Variants in GXYLT1 observed in about 807,000 individuals in gnomAD.
The protein encoded by GXYLT1 is glucoside xylosyltransferase 1, also known as glycosyltransferase 8 domain containing 3.
Under a neutral mutation model 54.0 loss-of-function variants are expected in GXYLT1, and 29 were observed. The ratio of observed to expected loss-of-function variants is 0.54; its 90% confidence interval spans 0.40 to 0.73. The LOEUF (loss-of-function observed/expected upper bound fraction) is 0.73, where lower values mean the gene tolerates loss of function less well. GXYLT1 is among the 30% of genes least tolerant of loss of function. The pLI, the probability that GXYLT1 is intolerant of heterozygous loss-of-function variation, is 0.00. For synonymous variants in GXYLT1, 176 were observed against 204.1 expected (o/e 0.86, Z 1.17); for missense variants, 490 against 553.4 (o/e 0.89, Z 1.15).
intron 2 of GXYLT1, among the ~76,000 whole-genome samples, chr12:42,127,359 T>TA (rs35504656): frequency 0.52 from 79,015 of 152,016 alleles, 20,978 homozygotes; most frequent in South Asian, 0.7. Flanking sequence ...TTGCTTTTTT[T>TA]AAATGTAATA....
intron 5 of GXYLT1, among the ~76,000 whole-genome samples, chr12:42,103,086 T>C (rs1257555007): frequency 2.0e-5 from 3 of 152,084 alleles, no homozygotes; most frequent in African/African-American, 2.4e-5. Flanking sequence ...GCCTCCCAAG[T>C]AGCTGGGAAT....
chr12:42,111,574 G>T (rs2065456268), intron 3 of GXYLT1, among the ~76,000 whole-genome samples: 1 of 152,252 alleles, frequency 6.6e-6, no homozygotes, highest in Non-Finnish European at 1.5e-5. Context: ...CGACAGCCAG[G>T]CTGGAGGCGG....
rs1379381539 is a variant in GXYLT1, at chr12:42,087,153, A to C, written c.*633T>G. On this transcript the variant is annotated 3_prime_UTR_variant, in exon 8 of 8. Transcript: ENST00000398675. ...ACACGCACACACAGATTAAAATCCC[A>C]AAGTTTTCACTATTTTTCCTCTACC... 7.0e-6 allele frequency: 1 copy of C among 142,584 alleles called. No individual in the cohort carries two copies. The highest frequency in any genetic ancestry group is 2.6e-5 in the African/African-American group (1 of 38,266). 8.8% of individuals were successfully genotyped at this position (142,584 alleles called of 1,614,324 possible). A position where few individuals can be genotyped will look rare whatever the true frequency, so the allele number is the denominator to read the frequency against.
At chr12:42,105,347 G>A (rs1324603564) in intron 5 of GXYLT1, among the ~76,000 whole-genome samples, 1 of 152,138 alleles carries the variant, frequency 6.6e-6, no homozygotes, top group African/African-American at 2.4e-5. Flanking sequence ...GTCAGCCACT[G>A]TTCTAACTCA....
chr12:42,144,275 C>A, intron 1 of GXYLT1, 151 bp downstream of exon 1: 1 of 388,744 alleles, frequency 2.6e-6, no homozygotes, highest in Non-Finnish European at 4.2e-6. Context: ...TAGCCCCGGC[C>A]GGAGGGGAAG....
At chr12:42,109,937 CTCCCAAAA>C (rs2065443067) in intron 3 of GXYLT1, among the ~76,000 whole-genome samples, 1 of 152,198 alleles carries the variant, frequency 6.6e-6, no homozygotes, top group Non-Finnish European at 1.5e-5. Flanking sequence ...CAGGGTCCAA[CTCCCAAAA>C]TCAGAAAGGT....
At chr12:42,095,076 T>C (rs1222256402) in intron 7 of GXYLT1, among the ~76,000 whole-genome samples, 1 of 152,140 alleles carries the variant, frequency 6.6e-6, no homozygotes, top group African/African-American at 2.4e-5. Context: ...GTAAGAGAAA[T>C]GCAAATTAAA....
intron 5 of GXYLT1, 109 bp from the exon 6 acceptor site, chr12:42,098,142 A>C: frequency 2.1e-6 from 2 of 960,884 alleles, no homozygotes; most frequent in African/African-American, 3.3e-5. Flanking sequence ...CACAAAGAGA[A>C]ATGCAAACTC....
chr12:42,136,785 T>TACATACATACATACATACAA (rs1375275820), intron 1 of GXYLT1, among the ~76,000 whole-genome samples: 42 of 151,320 alleles, frequency 2.8e-4, no homozygotes, highest in Admixed American at 6.6e-4. Context: ...CATACATACA[T>TACATACATACATACATACAA]ACAAACAAAC....
chr12:42,138,953 G>C lies in GXYLT1; in HGVS notation c.221+5473C>G, dbSNP rs556891116. Among the ~76,000 whole-genome samples, 9 of 152,200 alleles carry C rather than the reference G, an allele frequency of 5.9e-5. 1 individual carries two copies. Among genetic ancestry groups the C allele is most frequent in the African/African-American group, 2.2e-4 (9 of 41,516 alleles). On this transcript the variant is annotated intron_variant, in intron 1 of 7. Coordinates refer to ENST00000398675, the MANE Select transcript of GXYLT1 (RefSeq NM_173601.2). Reference sequence around the variant, plus strand: ...CTTGTGAGGCTGAGGCAGGAGAACTGCTTGAACCCGGGAGGCGGAGGTTGC... The same window carrying C: ...CTTGTGAGGCTGAGGCAGGAGAACTCCTTGAACCCGGGAGGCGGAGGTTGC...
intron 5 of GXYLT1, among the ~76,000 whole-genome samples, chr12:42,098,688 G>C (rs896805820): frequency 6.9e-6 from 1 of 145,292 alleles, no homozygotes; most frequent in African/African-American, 2.6e-5. Context: ...TTTTATGATG[G>C]ATTTTCCTAT....
rs772108105 is a variant in GXYLT1, at chr12:42,129,002, C to T, written c.314+757G>A. 8.5e-5 allele frequency among the ~76,000 whole-genome samples: 13 copies of T among 152,206 alleles called. No individual in the cohort carries two copies. The South Asian group carries it at 2.1e-3, about 24-fold the overall frequency. On this transcript the variant is annotated intron_variant, in intron 2 of 7. Coordinates refer to ENST00000398675, the MANE Select transcript of GXYLT1 (RefSeq NM_173601.2). ...AGACTATTTAAATGAATCATAAAGACGCAGTAAATAGATACTCTTCTAAGG... is the reference window on the plus strand; with the variant it reads ...AGACTATTTAAATGAATCATAAAGATGCAGTAAATAGATACTCTTCTAAGG...
At chr12:42,144,260 A>G (rs824736) in intron 1 of GXYLT1, among the ~76,000 whole-genome samples, 166 bp downstream of exon 1, 113,956 of 151,658 alleles carry the variant, frequency 0.75, 42,862 homozygotes, top group South Asian at 0.81. Flanking sequence ...GGAGCAGCGC[A>G]GGTTTAGCCC....
intron 1 of GXYLT1, among the ~76,000 whole-genome samples, chr12:42,130,566 G>T (rs1043213497): frequency 1.3e-5 from 2 of 152,026 alleles, no homozygotes; most frequent in African/African-American, 4.8e-5. Context: ...ACAGTATATA[G>T]AGATTCCTCA....
chr12:42,129,856 CAG>C lies in GXYLT1; in HGVS notation c.222-7_222-6del. ...CACAGAGAGAAATCTTTACACCTAA[CAG>C]AGTAAGACAGAAATAAGAGTCCTGT... On this transcript the variant is annotated splice_region_variant and splice_polypyrimidine_tract_variant and intron_variant, in intron 1 of 7. Coordinates refer to ENST00000398675, the MANE Select transcript of GXYLT1 (RefSeq NM_173601.2). 1 of 1,580,592 alleles carries C rather than the reference CAG, an allele frequency of 6.3e-7. No homozygotes were observed. The highest frequency in any genetic ancestry group is 1.1e-5 in the South Asian group (1 of 90,326).
At chr12:42,091,134 A>G (rs1417800956) in intron 7 of GXYLT1, among the ~76,000 whole-genome samples, 1 of 152,240 alleles carries the variant, frequency 6.6e-6, no homozygotes, top group African/African-American at 2.4e-5. Flanking sequence ...ACTGAATTAC[A>G]GATAAGGAAA....
Position 42,085,149 on chromosome 12 carries a change from T to A in GXYLT1, c.*2637A>T, listed in dbSNP as rs1314338743. On this transcript the variant is annotated 3_prime_UTR_variant, in exon 8 of 8. Transcript: ENST00000398675. ...TAAATTCAGAAAATTCATTTAAAAA[T>A]TATTATACATATTTTGTGATACCTT... The A allele has an allele frequency of 6.6e-6, 1 of 152,252 alleles. No homozygotes were observed. The highest frequency in any genetic ancestry group is 1.5e-5 in the Non-Finnish European group (1 of 68,048). 9.4% of individuals were successfully genotyped at this position (152,252 alleles called of 1,614,324 possible).
chr12:42,094,344 C>T (rs1392989988), intron 7 of GXYLT1, among the ~76,000 whole-genome samples: 2 of 145,440 alleles, frequency 1.4e-5, no homozygotes, highest in African/African-American at 5.1e-5. Flanking sequence ...AGAGCATAAC[C>T]CTGCCTCAAA....
At chr12:42,107,733 T>A (rs1404450927) in intron 4 of GXYLT1, among the ~76,000 whole-genome samples, 1 of 152,102 alleles carries the variant, frequency 6.6e-6, no homozygotes, top group African/African-American at 2.4e-5. Flanking sequence ...GGAGTCTGTA[T>A]GTCTATCTCA....
Sources: gnomAD v4.1 joint callset for allele counts (sites outside exome capture counted in the v4.1 genomes callset) on GRCh38, gnomAD v4.1.1 for gene constraint, MANE v1.5 for transcripts, NCBI Gene and HGNC (gene_info 2026-07-23, HGNC 2026-07-21) for gene names.